CPEB4: variants seen among roughly 807,000 people sequenced by gnomAD.
CPEB4 encodes cytoplasmic polyadenylation element binding protein 4, also known as cytoplasmic polyadenylation element-binding protein 4.
A neutral mutation model predicts 72.5 loss-of-function variants in CPEB4; 12 were observed. That is an observed-to-expected ratio of 0.17 (90% CI 0.11 to 0.27). The LOEUF (loss-of-function observed/expected upper bound fraction) is 0.27, where lower values mean the gene tolerates loss of function less well. CPEB4 is among the 10% of genes least tolerant of loss of function. The pLI is 1.00. For missense variants in CPEB4, 614 were observed against 908.5 expected (o/e 0.68, Z 4.17); for synonymous variants, 302 against 326.3 (o/e 0.93, Z 0.80).
At chr5:173,944,221 G>C (rs1360363670) in intron 4 of CPEB4, among the ~76,000 whole-genome samples, 1 of 152,056 alleles carries the variant, frequency 6.6e-6, no homozygotes, top group Non-Finnish European at 1.5e-5. Flanking sequence ...AATTTCATAA[G>C]ACTACACAAT....
In CPEB4 at chr5:173,889,847, C is replaced by T. The variant is rs767986505; in HGVS notation, c.114C>T (p.Thr38=). The T allele has an allele frequency of 5.0e-6, 8 of 1,614,060 alleles. No individual in the cohort carries two copies. In the Admixed American group the frequency reaches 5.0e-5, roughly 10 times the overall value. ...LQPPHHHQNA[T]PSPAAFINNN... ...CTCCACACCATCACCAAAATGCCAC[C>T]CCCAGCCCTGCTGCTTTTATAAATA... The change falls in exon 1 of 10, where the codon ACC becomes ACT. Residue 38 remains threonine (T), a synonymous_variant. Coordinates refer to ENST00000265085, the MANE Select transcript of CPEB4 (RefSeq NM_030627.4).
Position 173,889,817 on chromosome 5 carries a change from G to T in CPEB4, c.84G>T (p.Leu28=). ...SAFPVRFHPH[L]QPPHHHQNAT... Reference sequence around the variant, plus strand: ...TTCCAGTCAGATTCCATCCACATCTGCAGCCTCCACACCATCACCAAAATG... The same window carrying T: ...TTCCAGTCAGATTCCATCCACATCTTCAGCCTCCACACCATCACCAAAATG... The change falls in exon 1 of 10, where the codon CTG becomes CTT. Residue 28 remains leucine (L), a synonymous_variant. Transcript: ENST00000265085. 6.2e-7 allele frequency: 1 copy of T among 1,614,114 alleles called. No homozygotes were observed.
rs924487626 is a variant in CPEB4, at chr5:173,890,274, A to G, written c.541A>G (p.Thr181Ala). The part of the protein sequence containing the change: ...WSAAIAPSSS[T>A]IINEDASFFH... ...AGCAGCGATAGCGCCTTCCTCCTCT[A>G]CAATAATCAATGAAGATGCAAGTTT... Residue 181 changes from threonine to alanine, a missense_variant, in exon 1 of 10, where the codon ACA (threonine) becomes GCA (alanine). This residue lies in a region of CPEB4 where 458 missense variants were observed against 548.6 expected (regional missense o/e 0.83). Coordinates refer to ENST00000265085, the MANE Select transcript of CPEB4 (RefSeq NM_030627.4). The G allele has an allele frequency of 2.5e-6, 4 of 1,613,952 alleles. No individual in the cohort carries two copies. In the African/African-American group the frequency reaches 5.3e-5, roughly 22 times the overall value.
intron 5 of CPEB4, among the ~76,000 whole-genome samples, chr5:173,946,316 T>C (rs949886058): frequency 3.3e-5 from 5 of 152,166 alleles, no homozygotes; most frequent in African/African-American, 9.7e-5. Context: ...TTCTGCAGAA[T>C]TGTGCACTAA....
At chr5:173,923,594 G>T (rs1757144473) in intron 2 of CPEB4, among the ~76,000 whole-genome samples, 1 of 152,024 alleles carries the variant, frequency 6.6e-6, no homozygotes, top group African/African-American at 2.4e-5. Context: ...TTTTTGCAAG[G>T]TAGGAGAATT....
In CPEB4 at chr5:173,959,634, CTCTT is replaced by C. The variant is rs1193551407; in HGVS notation, c.*3502_*3505del. On this transcript the variant is annotated 3_prime_UTR_variant, in exon 10 of 10. Coordinates refer to ENST00000265085, the MANE Select transcript of CPEB4 (RefSeq NM_030627.4). ...TCATTTTCTACTGTTAAGAGTAATC[CTCTT>C]TCTTGCTGGTGTTTCTAAAGAAAAG... 1 of 152,598 alleles carries C rather than the reference CTCTT, an allele frequency of 6.6e-6. No individual in the cohort carries two copies. The highest frequency in any genetic ancestry group is 1.5e-5 in the Non-Finnish European group (1 of 67,992). 9.5% of individuals were successfully genotyped at this position (152,598 alleles called of 1,614,324 possible).
rs1758189060 is a variant in CPEB4 at position 173,950,715 on chromosome 5, T to C, written c.1665+637T>C. 6.6e-6 allele frequency among the ~76,000 whole-genome samples: 1 copy of C among 152,152 alleles called. No homozygotes were observed. The highest frequency in any genetic ancestry group is 2.4e-5 in the African/African-American group (1 of 41,440). On this transcript the variant is annotated intron_variant, in intron 7 of 9. Coordinates refer to ENST00000265085, the MANE Select transcript of CPEB4 (RefSeq NM_030627.4). This position sits in a 1 kb window ranked among gnomAD's most constrained non-coding sequence, Gnocchi z 5.0. Reference sequence around the variant, plus strand: ...ATAACGGAACTCAAATCACAAATACTATGTGTACGTCTTTCTAGCGTTTTC... The same window carrying C: ...ATAACGGAACTCAAATCACAAATACCATGTGTACGTCTTTCTAGCGTTTTC...
intron 2 of CPEB4, among the ~76,000 whole-genome samples, chr5:173,913,855 CACT>C (rs997253306): frequency 2.6e-5 from 4 of 152,218 alleles, no homozygotes; most frequent in African/African-American, 9.6e-5. Context: ...GCCACTCTGT[CACT>C]ACAGTCTGTG....
intron 1 of CPEB4, among the ~76,000 whole-genome samples, chr5:173,893,573 G>GA (rs35655795): frequency 1.3e-4 from 19 of 150,780 alleles, no homozygotes; most frequent in South Asian, 4.2e-4. Flanking sequence ...TCTCACAGGG[G>GA]AAAAAAAAAG....
At chr5:173,920,920 C>G (rs1757050259) in intron 2 of CPEB4, among the ~76,000 whole-genome samples, 1 of 152,046 alleles carries the variant, frequency 6.6e-6, no homozygotes, top group African/African-American at 2.4e-5. Context: ...TTGAGATAGG[C>G]CTAAAAATAT....
At chr5:173,945,230 G>C in intron 5 of CPEB4, 90 bp downstream of exon 5, 2 of 1,099,906 alleles carry the variant, frequency 1.8e-6, no homozygotes, top group Non-Finnish European at 2.7e-6. Flanking sequence ...GTCTTATCTG[G>C]CTCCAATAGT....
intron 2 of CPEB4, among the ~76,000 whole-genome samples, chr5:173,930,645 G>A (rs1435809178): frequency 6.6e-6 from 1 of 151,934 alleles, no homozygotes; most frequent in Non-Finnish European, 1.5e-5. Context: ...TAAATGGAAC[G>A]ATTACCAACT....
At chr5:173,897,378 G>A (rs1309960236) in intron 1 of CPEB4, among the ~76,000 whole-genome samples, 1 of 152,188 alleles carries the variant, frequency 6.6e-6, no homozygotes, top group Non-Finnish European at 1.5e-5. Flanking sequence ...GGGTGCCATA[G>A]ATTTGAATTG....
intron 2 of CPEB4, among the ~76,000 whole-genome samples, chr5:173,926,409 A>T (rs1269126513): frequency 6.6e-6 from 1 of 152,170 alleles, no homozygotes; most frequent in African/African-American, 2.4e-5. Flanking sequence ...ACCTATTCTA[A>T]GTCAGTCTGT....
chr5:173,904,052 A>C (rs1391568898), intron 1 of CPEB4, among the ~76,000 whole-genome samples: 1 of 152,220 alleles, frequency 6.6e-6, no homozygotes, highest in Non-Finnish European at 1.5e-5. Flanking sequence ...ATGAGGTTTA[A>C]GCATTGTGAT....
intron 2 of CPEB4, among the ~76,000 whole-genome samples, chr5:173,928,557 G>A (rs995958341): frequency 1.5e-4 from 23 of 152,098 alleles, no homozygotes; most frequent in African/African-American, 4.6e-4. Flanking sequence ...ACATATATAC[G>A]AGACACACAC....
In CPEB4 at chr5:173,961,227, T is replaced by G. The variant is rs989255199; in HGVS notation, c.*5090T>G. 1 of 152,200 alleles carries G rather than the reference T, an allele frequency of 6.6e-6. No homozygotes were observed. The highest frequency in any genetic ancestry group is 2.4e-5 in the African/African-American group (1 of 41,440). 9.4% of individuals were successfully genotyped at this position (152,200 alleles called of 1,614,324 possible). A position where few individuals can be genotyped will look rare whatever the true frequency, so the allele number is the denominator to read the frequency against. The stretch of plus-strand genomic sequence containing the variant: ...TACGTTGAGCATTCAATGAAGGGCC[T>G]TGAGGAAACCCCAGGGATGGGACAC... On this transcript the variant is annotated 3_prime_UTR_variant, in exon 10 of 10. Coordinates refer to ENST00000265085, the MANE Select transcript of CPEB4 (RefSeq NM_030627.4).
intron 3 of CPEB4, among the ~76,000 whole-genome samples, chr5:173,942,708 G>T (rs1308154874): frequency 6.6e-6 from 1 of 152,190 alleles, no homozygotes; most frequent in Admixed American, 6.5e-5. Flanking sequence ...GTAATAGTTG[G>T]TTTTTATTAT....
At chr5:173,914,508 C>A (rs559313496) in intron 2 of CPEB4, among the ~76,000 whole-genome samples, 32 of 152,302 alleles carry the variant, frequency 2.1e-4, no homozygotes, top group Middle Eastern at 3.4e-3. Context: ...GTAACCCTAG[C>A]ACTTTGGGAG....
Sources: allele counts gnomAD v4.1 joint callset (sites outside exome capture counted in the v4.1 genomes callset), GRCh38; gene constraint gnomAD v4.1.1; regional missense constraint gnomAD v4.1.1; non-coding constraint Gnocchi (gnomAD v3.1); transcripts MANE v1.5; gene names NCBI Gene and HGNC (gene_info 2026-07-23, HGNC 2026-07-21).